Variants in CSMD3 observed in about 807,000 individuals in gnomAD.
CSMD3 encodes the protein CUB and Sushi multiple domains 3.
In CSMD3, 177 loss-of-function variants were observed where a neutral mutation model predicts 435.2. That is an observed-to-expected ratio of 0.41 (90% CI 0.36 to 0.46). The LOEUF is 0.46. CSMD3 is among the 20% of genes least tolerant of loss of function. The pLI is 0.34. For synonymous variants in CSMD3, 1,656 were observed against 1,520.5 expected, an observed-to-expected ratio of 1.09 and a Z score of -2.07; for missense variants, 4,265 against 4,504.6, an observed-to-expected ratio of 0.95 and a Z score of 1.52.
chr8:112,350,274 CT>C (rs201171217), intron 40 of CSMD3, among the ~76,000 whole-genome samples: 45,782 of 121,098 alleles, frequency 0.38, 6,667 homozygotes, highest in Middle Eastern at 0.46. Flanking sequence ...AAGTCATGGA[CT>C]TTTTTTTTTT....
chr8:112,587,770 A>G (rs1184204948), intron 22 of CSMD3, among the ~76,000 whole-genome samples: 1 of 151,796 alleles, frequency 6.6e-6, no homozygotes, highest in Non-Finnish European at 1.5e-5. Context: ...TAATAGTTAA[A>G]CCCCCCTGGT....
At chr8:112,628,172 C>T (rs1002904473) in intron 22 of CSMD3, among the ~76,000 whole-genome samples, 1 of 152,000 alleles carries the variant, frequency 6.6e-6, no homozygotes, top group Non-Finnish European at 1.5e-5. Context: ...CCTTTTTTAC[C>T]TTACTTTTTT....
At chr8:112,776,586 T>C (rs1027949238) in intron 13 of CSMD3, among the ~76,000 whole-genome samples, 1 of 151,754 alleles carries the variant, frequency 6.6e-6, no homozygotes, top group African/African-American at 2.4e-5. Flanking sequence ...ACATTAATCT[T>C]CTATTTTCAG....
At chr8:112,416,726 A>G (rs922174845) in intron 32 of CSMD3, among the ~76,000 whole-genome samples, 5 of 152,152 alleles carry the variant, frequency 3.3e-5, no homozygotes, top group Admixed American at 1.3e-4. Context: ...AATTTATGTA[A>G]ATTAATATTT....
chr8:112,588,986 A>G (rs1325913520), intron 22 of CSMD3, among the ~76,000 whole-genome samples: 1 of 152,176 alleles, frequency 6.6e-6, no homozygotes, highest in Admixed American at 6.6e-5. Flanking sequence ...TAAAATGCAC[A>G]TATATTTTTG....
chr8:113,069,043 C>T (rs1212549816), intron 5 of CSMD3, among the ~76,000 whole-genome samples: 1 of 150,934 alleles, frequency 6.6e-6, no homozygotes, highest in Non-Finnish European at 1.5e-5. Flanking sequence ...AAAAACAAAC[C>T]AAAAAAAAAG....
intron 3 of CSMD3, among the ~76,000 whole-genome samples, chr8:113,244,117 T>G (rs1249452798): frequency 1.3e-5 from 2 of 152,168 alleles, no homozygotes; most frequent in Non-Finnish European, 2.9e-5. Context: ...GTATTTTCAC[T>G]TTCTTTTTGG....
intron 3 of CSMD3, among the ~76,000 whole-genome samples, chr8:113,198,095 C>T (rs974158780): frequency 2.0e-5 from 3 of 151,336 alleles, no homozygotes; most frequent in African/African-American, 7.3e-5. Context: ...TTAATGCAAA[C>T]TTCAAGTTAT....
rs2093939724 is a variant in CSMD3, at chr8:113,320,197, C to T, written c.179-5404G>A. On this transcript the variant is annotated intron_variant, in intron 1 of 70. Coordinates refer to ENST00000297405, the MANE Select transcript of CSMD3 (RefSeq NM_198123.2). ...ATGGAAAACTCCCCTCAAAAACTGGCATTGCAACTTTTTCATAGATTCGTG... is the reference window on the plus strand; with the variant it reads ...ATGGAAAACTCCCCTCAAAAACTGGTATTGCAACTTTTTCATAGATTCGTG... 3.9e-5 allele frequency among the ~76,000 whole-genome samples: 6 copies of T among 151,974 alleles called. No homozygotes were observed. In the South Asian group the frequency reaches 1.2e-3, roughly 31 times the overall value.
intron 5 of CSMD3, among the ~76,000 whole-genome samples, chr8:113,031,446 A>T (rs2087105884): frequency 6.6e-6 from 1 of 151,674 alleles, no homozygotes; most frequent in Non-Finnish European, 1.5e-5. Flanking sequence ...CCATTCATAT[A>T]ACATTCTTGG....
At chr8:112,459,384 G>A (rs536685424) in intron 32 of CSMD3, among the ~76,000 whole-genome samples, 50 of 148,420 alleles carry the variant, frequency 3.4e-4, no homozygotes, top group Non-Finnish European at 5.6e-4. Flanking sequence ...ATTCAATTAT[G>A]TTTACAAGGT....
At chr8:113,264,016 T>C (rs1181688087) in intron 3 of CSMD3, among the ~76,000 whole-genome samples, 1 of 151,480 alleles carries the variant, frequency 6.6e-6, no homozygotes, top group Non-Finnish European at 1.5e-5. Context: ...TTATTTTTTC[T>C]GATACTTAAA....
intron 22 of CSMD3, among the ~76,000 whole-genome samples, chr8:112,614,479 C>T (rs1171226711): frequency 6.6e-6 from 1 of 151,974 alleles, no homozygotes; most frequent in Non-Finnish European, 1.5e-5. Flanking sequence ...TCTGCCCTCA[C>T]CCCATCTTTT....
intron 10 of CSMD3, among the ~76,000 whole-genome samples, chr8:112,865,686 C>CCACACA (rs3220985): frequency 9.0e-4 from 39 of 43,206 alleles, no homozygotes; most frequent in Middle Eastern, 0.023. Flanking sequence ...TTTACATACC[C>CCACACA]CACACACACA....
At chr8:112,321,066 T>C (rs1010779185) in intron 45 of CSMD3, among the ~76,000 whole-genome samples, 9 of 152,140 alleles carry the variant, frequency 5.9e-5, no homozygotes, top group Non-Finnish European at 1.0e-4. Context: ...TTTGCTTGAT[T>C]GAAGTCTTTT....
At chr8:113,022,068 A>G (rs1292583653) in intron 5 of CSMD3, among the ~76,000 whole-genome samples, 3 of 152,176 alleles carry the variant, frequency 2.0e-5, no homozygotes, top group Non-Finnish European at 4.4e-5. Flanking sequence ...CATTCTAAAC[A>G]ATATGGTTTG....
At chr8:112,502,154 A>T (rs1822032208) in intron 30 of CSMD3, among the ~76,000 whole-genome samples, 1 of 152,304 alleles carries the variant, frequency 6.6e-6, no homozygotes, top group South Asian at 2.1e-4. Flanking sequence ...TAAGGGAATT[A>T]TCTACCAGGT....
Position 112,930,909 on chromosome 8 carries a change from T to C in CSMD3, c.1509-9158A>G, listed in dbSNP as rs545605112. Among the ~76,000 whole-genome samples the C allele has an allele frequency of 7.2e-5, 11 of 152,242 alleles. No individual in the cohort carries two copies. The East Asian group carries it at 2.1e-3, about 29-fold the overall frequency. ...CCTATATGGAGGTGCTGACAAGGAA[T>C]AATAAATTATTGCATATGTCAGTAA... On this transcript the variant is annotated intron_variant, in intron 9 of 70. Coordinates refer to ENST00000297405, the MANE Select transcript of CSMD3 (RefSeq NM_198123.2).
intron 1 of CSMD3, among the ~76,000 whole-genome samples, chr8:113,344,776 C>T (rs1480219500): frequency 2.6e-5 from 4 of 152,106 alleles, no homozygotes; most frequent in South Asian, 2.1e-4. Context: ...TCTCTCATCA[C>T]GCAAATAAAA....
Sources: gnomAD v4.1 joint callset for allele counts (sites outside exome capture counted in the v4.1 genomes callset) on GRCh38, gnomAD v4.1.1 for gene constraint, MANE v1.5 for transcripts, NCBI Gene and HGNC (gene_info 2026-07-23, HGNC 2026-07-21) for gene names.